AHI1: variants seen among roughly 807,000 people sequenced by gnomAD.
The protein encoded by AHI1 is jouberin.
In AHI1, 123 loss-of-function variants were observed where a neutral mutation model predicts 149.3. That is an observed-to-expected ratio of 0.82 (90% CI 0.71 to 0.96). The LOEUF is 0.96. Among genes scored for constraint, AHI1 ranks in the 40% least tolerant of loss-of-function variants. AHI1 has a pLI of 0.00. For synonymous variants in AHI1, 475 were observed against 459.8 expected, an observed-to-expected ratio of 1.03 and a Z score of -0.42; for missense variants, 1,439 against 1,422.7, an observed-to-expected ratio of 1.01 and a Z score of -0.18.
chr6:135,446,146 C>T (rs1787176155), intron 13 of AHI1, among the ~76,000 whole-genome samples: 1 of 152,094 alleles, frequency 6.6e-6, no homozygotes, highest in African/African-American at 2.4e-5. Context: ...GAATTGTGTC[C>T]TCTCTCCTCC....
chr6:135,491,936 T>C lies in AHI1; in HGVS notation c.10+292A>G, dbSNP rs373558046. Among the ~76,000 whole-genome samples the C allele has an allele frequency of 9.1e-4, 139 of 152,308 alleles. 2 individuals carry two copies. Among genetic ancestry groups the C allele is most frequent in the African/African-American group, 3.0e-3 (123 of 41,568 alleles). On this transcript the variant is annotated intron_variant, in intron 4 of 28. Coordinates refer to ENST00000265602, the MANE Select transcript of AHI1 (RefSeq NM_001134831.2). ...AAGATTGCCAATGCTTGTGGTGGAG[T>C]AAAACATTCAATTTTGATGATAAAG... is the stretch of plus-strand genomic sequence containing the variant.
In AHI1 at chr6:135,318,499, G is replaced by T; in HGVS notation, c.3426+20C>A. The T allele has an allele frequency of 3.5e-6, 5 of 1,442,644 alleles. No individual in the cohort carries two copies. Among genetic ancestry groups the T allele is most frequent in the Non-Finnish European group, 4.8e-6 (5 of 1,043,260 alleles). The allele number at this position is 1,442,644 out of a possible 1,614,324, so 89.4% of individuals were successfully genotyped here. ...GAAAATCAAAGTACATATGTAATAC[G>T]TATGCTCAAAAACATTTACCTTTTG... On this transcript the variant is annotated intron_variant, in intron 26 of 28. Coordinates refer to ENST00000265602, the MANE Select transcript of AHI1 (RefSeq NM_001134831.2).
intron 26 of AHI1, among the ~76,000 whole-genome samples, chr6:135,308,491 C>G (rs1306456154): frequency 1.3e-5 from 2 of 152,186 alleles, no homozygotes; most frequent in African/African-American, 4.8e-5. Flanking sequence ...CCACCCTGGC[C>G]TCCCAAAATG....
chr6:135,298,874 A>G (rs1334644247), intron 27 of AHI1, among the ~76,000 whole-genome samples: 1 of 152,194 alleles, frequency 6.6e-6, no homozygotes, highest in Non-Finnish European at 1.5e-5. Context: ...AGGAGTATGT[A>G]GGAGACATTT....
intron 23 of AHI1, among the ~76,000 whole-genome samples, chr6:135,363,837 C>T (rs9389287): frequency 0.21 from 29,283 of 138,776 alleles, 3,086 homozygotes; most frequent in Middle Eastern, 0.33. Flanking sequence ...CCAGTAGGCG[C>T]GGCCGGGCAG....
chr6:135,437,942 T>G (rs963856727), intron 15 of AHI1, among the ~76,000 whole-genome samples: 2 of 152,226 alleles, frequency 1.3e-5, no homozygotes, highest in South Asian at 4.1e-4. Context: ...TCTATAAAAC[T>G]GTTAAAATAT....
At chr6:135,440,994 G>A (rs1238019357) in intron 14 of AHI1, among the ~76,000 whole-genome samples, 2 of 151,902 alleles carry the variant, frequency 1.3e-5, no homozygotes, top group Non-Finnish European at 2.9e-5. Context: ...AACTGAGGAA[G>A]CCCAGACGCT....
chr6:135,482,229 T>C (rs1793766812), intron 5 of AHI1, among the ~76,000 whole-genome samples: 2 of 152,152 alleles, frequency 1.3e-5, no homozygotes, highest in Non-Finnish European at 2.9e-5. Flanking sequence ...GTTCTCTTCC[T>C]CCTCCTCTCC....
chr6:135,408,869 C>T (rs1190044496), intron 21 of AHI1, among the ~76,000 whole-genome samples: 1 of 152,146 alleles, frequency 6.6e-6, no homozygotes, highest in Non-Finnish European at 1.5e-5. Flanking sequence ...CTTCTTACTA[C>T]ATTTGACCAT....
At chr6:135,465,097 C>T (rs1790528428) in intron 7 of AHI1, among the ~76,000 whole-genome samples, 1 of 152,060 alleles carries the variant, frequency 6.6e-6, no homozygotes, top group African/African-American at 2.4e-5. Flanking sequence ...TGGCTGAGGG[C>T]TTTAGGGGAA....
intron 11 of AHI1, among the ~76,000 whole-genome samples, chr6:135,452,975 T>C (rs1157923516): frequency 6.6e-6 from 1 of 152,202 alleles, no homozygotes; most frequent in Non-Finnish European, 1.5e-5. Flanking sequence ...TTGTTTTATG[T>C]TTGTGTTGCT....
Position 135,447,154 on chromosome 6 carries a change from G to A in AHI1, c.1633C>T (p.Pro545Ser), listed in dbSNP as rs1221306293. The change falls in exon 13 of 29, where the codon CCA becomes TCA. Residue 545 changes from proline (P) to serine (S), a missense_variant. Coordinates refer to ENST00000265602, the MANE Select transcript of AHI1 (RefSeq NM_001134831.2). ...RGLKVPDCIK[P>S]SYRSMMALQE... The stretch of plus-strand genomic sequence containing the variant: ...AGAGCCATCATAGAGCGGTAAGATG[G>A]CTTTATCTAAATATGCATTAAAATA... 3.9e-6 allele frequency: 6 copies of A among 1,546,580 alleles called. No individual in the cohort carries two copies. The highest frequency in any genetic ancestry group is 1.7e-4 in the Middle Eastern group (1 of 5,844).
intron 27 of AHI1, among the ~76,000 whole-genome samples, chr6:135,299,747 A>G (rs1783611460): frequency 6.6e-6 from 1 of 152,200 alleles, no homozygotes; most frequent in African/African-American, 2.4e-5. Context: ...CTTTTAAAAT[A>G]AATACTTCAA....
At chr6:135,300,694 C>T in intron 26 of AHI1, 136 bp from the exon 27 acceptor site, 1 of 1,439,244 alleles carries the variant, frequency 6.9e-7, no homozygotes, top group South Asian at 1.5e-5. Context: ...ATATCTATGC[C>T]TGTCCTGAAC....
At chr6:135,497,025 G>A (rs1413701042) in intron 2 of AHI1, among the ~76,000 whole-genome samples, 163 bp downstream of exon 2, 1 of 152,196 alleles carries the variant, frequency 6.6e-6, no homozygotes, top group African/African-American at 2.4e-5. Flanking sequence ...AAAAGAAAGG[G>A]GAAAGCTTTA....
intron 23 of AHI1, among the ~76,000 whole-genome samples, chr6:135,374,457 C>T (rs1562608785): frequency 6.6e-6 from 1 of 151,954 alleles, no homozygotes; most frequent in Non-Finnish European, 1.5e-5. Flanking sequence ...ACTGAGACTG[C>T]AAGCCTTTCT....
chr6:135,492,200 T>G, intron 4 of AHI1, 28 bp downstream of exon 4: 1 of 1,478,568 alleles, frequency 6.8e-7, no homozygotes, highest in Non-Finnish European at 9.1e-7. Flanking sequence ...AATATAAATT[T>G]TATACATAAA....
At chr6:135,353,063 T>C (rs1321501895) in intron 24 of AHI1, among the ~76,000 whole-genome samples, 3 of 151,810 alleles carry the variant, frequency 2.0e-5, no homozygotes, top group Admixed American at 2.0e-4. Context: ...TAAATGCCAG[T>C]GGAGTATGCT....
rs200816459 is a variant in AHI1 at position 135,427,259 on chromosome 6, C to T, written c.2672G>A (p.Arg891Gln). The change falls in exon 20 of 29, where the codon CGA (arginine) becomes CAA (glutamine). Residue 891 changes from arginine to glutamine, a missense_variant. Physicochemically the swap from Arg to Gln is conservative, Grantham distance 43 (BLOSUM62 1). Coordinates refer to ENST00000265602, the MANE Select transcript of AHI1 (RefSeq NM_001134831.2). ...TTCAAATGGATGATAAGAAATGTCT[C>T]GAATGGGTGACTTGAATGGCAAGTC... is the stretch of plus-strand genomic sequence containing the variant. ...YSDLPFKSPI[R>Q]DISYHPFENM... 77 of 1,610,148 alleles carry T rather than the reference C, an allele frequency of 4.8e-5. No homozygotes were observed. In the Middle Eastern group the frequency reaches 6.6e-4, roughly 14 times the overall value.
Sources: allele counts gnomAD v4.1 joint callset (sites outside exome capture counted in the v4.1 genomes callset), GRCh38; gene constraint gnomAD v4.1.1; transcripts MANE v1.5; gene names NCBI Gene and HGNC (gene_info 2026-07-23, HGNC 2026-07-21).